The following MAN1A2 variants were observed in gnomAD, a reference collection of about 807,000 sequenced individuals.
MAN1A2 encodes mannosidase alpha class 1A member 2.
In MAN1A2, 26 loss-of-function variants were observed where a neutral mutation model predicts 75.7. The ratio of observed to expected loss-of-function variants is 0.34; its 90% CI spans 0.25 to 0.48. The LOEUF is 0.48. Ranked by LOEUF, MAN1A2 falls within the 20% of genes least tolerant of loss-of-function variation. The pLI, the probability that MAN1A2 is intolerant of heterozygous loss-of-function variation, is 0.99. For missense variants in MAN1A2, 562 were observed against 775.5 expected, an observed-to-expected ratio of 0.72 and a Z score of 3.27; for synonymous variants, 247 against 264.6, an observed-to-expected ratio of 0.93 and a Z score of 0.65.
chr1:117,485,945 G>A (rs1570783078), intron 8 of MAN1A2, among the ~76,000 whole-genome samples: 1 of 151,910 alleles, frequency 6.6e-6, no homozygotes, highest in South Asian at 2.1e-4. Flanking sequence ...CCACTCAGGG[G>A]ATAGAATTAG....
At chr1:117,436,052 C>A (rs1407370863) in intron 5 of MAN1A2, among the ~76,000 whole-genome samples, 4 of 151,062 alleles carry the variant, frequency 2.6e-5, no homozygotes, top group Admixed American at 2.6e-4. Context: ...AGTGAGACTC[C>A]GTTTCAAAAA....
chr1:117,382,886 A>G (rs1029864647), intron 1 of MAN1A2, among the ~76,000 whole-genome samples: 5 of 152,176 alleles, frequency 3.3e-5, no homozygotes, highest in African/African-American at 1.2e-4. Context: ...GATGTTATGC[A>G]CTACAATTTG....
At chr1:117,397,575 A>G (rs1025036324) in intron 1 of MAN1A2, among the ~76,000 whole-genome samples, 1 of 151,720 alleles carries the variant, frequency 6.6e-6, no homozygotes, top group African/African-American at 2.4e-5. Context: ...ATTAATTTTA[A>G]TATGGATTTT....
chr1:117,508,318 T>G (rs1651431874), intron 12 of MAN1A2, among the ~76,000 whole-genome samples: 1 of 147,072 alleles, frequency 6.8e-6, no homozygotes. Flanking sequence ...GGAAACATAG[T>G]CTTAACAAAT....
Position 117,493,471 on chromosome 1 carries a change from G to T in MAN1A2, c.1284+209G>T, listed in dbSNP as rs12087550. 1,576 of 384,392 alleles carry T rather than the reference G, an allele frequency of 4.1e-3. 16 individuals carry two copies. The highest frequency in any genetic ancestry group is 0.027 in the African/African-American group (1,281 of 47,032). 23.8% of individuals were successfully genotyped at this position (384,392 alleles called of 1,614,324 possible). A position where few individuals can be genotyped will look rare whatever the true frequency, so the allele number is the denominator to read the frequency against. On this transcript the variant is annotated intron_variant, in intron 9 of 12. Transcript: ENST00000356554. ...TTCTTTTATTTGTGACATTTTTAAA[G>T]AAATTTTTGAAGAAAGAATTTATTG...
At chr1:117,381,844 C>T (rs547837218) in intron 1 of MAN1A2, among the ~76,000 whole-genome samples, 177 of 152,028 alleles carry the variant, frequency 1.2e-3, no homozygotes, top group African/African-American at 3.9e-3. Flanking sequence ...CTTTCCAGCA[C>T]CTGTTGTTTC....
intron 1 of MAN1A2, 41 bp from the exon 2 acceptor site, chr1:117,402,145 G>T (rs1321596493): frequency 1.3e-6 from 2 of 1,562,560 alleles, no homozygotes; most frequent in East Asian, 4.5e-5. Context: ...ACATTCTTAA[G>T]TAGGCTCACT....
chr1:117,480,248 C>A (rs1182962532), intron 8 of MAN1A2, among the ~76,000 whole-genome samples: 1 of 151,858 alleles, frequency 6.6e-6, no homozygotes, highest in Non-Finnish European at 1.5e-5. Flanking sequence ...ACTGTAGCTT[C>A]CCCAGTCTTT....
At chr1:117,473,207 G>A (rs992635622) in intron 8 of MAN1A2, among the ~76,000 whole-genome samples, 3 of 151,868 alleles carry the variant, frequency 2.0e-5, no homozygotes, top group African/African-American at 7.3e-5. Context: ...TTAATGGCAG[G>A]TCTATTCTTG....
chr1:117,409,904 A>G (rs1453875195), intron 3 of MAN1A2, among the ~76,000 whole-genome samples: 2 of 152,036 alleles, frequency 1.3e-5, no homozygotes, highest in Non-Finnish European at 1.5e-5. Flanking sequence ...CTTATTGAGT[A>G]ATACAGTTGT....
At chr1:117,397,352 G>T (rs1002339526) in intron 1 of MAN1A2, among the ~76,000 whole-genome samples, 1 of 152,130 alleles carries the variant, frequency 6.6e-6, no homozygotes, top group Non-Finnish European at 1.5e-5. Context: ...GGGATAAGAT[G>T]ATTGGAGCTT....
rs1232678691 is a variant in MAN1A2 at position 117,526,164 on chromosome 1, T to A, written c.*3207T>A. The A allele has an allele frequency of 2.0e-5, 3 of 151,964 alleles. No homozygotes were observed. In the East Asian group the frequency reaches 5.8e-4, roughly 29 times the overall value. The allele number at this position is 151,964 out of a possible 1,614,324, so 9.4% of individuals were successfully genotyped here. On this transcript the variant is annotated 3_prime_UTR_variant, in exon 13 of 13. Coordinates refer to ENST00000356554, the MANE Select transcript of MAN1A2 (RefSeq NM_006699.5). ...TTCTCATTTATAATGCAGTTTCTCCTTAAGCCTGGAGTTTTTTGAATGAGT... is the reference window on the plus strand; with the variant it reads ...TTCTCATTTATAATGCAGTTTCTCCATAAGCCTGGAGTTTTTTGAATGAGT...
chr1:117,514,357 A>G (rs1301340092), intron 12 of MAN1A2, among the ~76,000 whole-genome samples: 3 of 49,288 alleles, frequency 6.1e-5, no homozygotes, highest in African/African-American at 1.7e-4. Context: ...GCAAGACTCC[A>G]TCTCAAAAAA....
intron 8 of MAN1A2, among the ~76,000 whole-genome samples, chr1:117,471,277 C>T (rs1650144312): frequency 5.9e-5 from 9 of 151,750 alleles, no homozygotes; most frequent in Admixed American, 5.9e-4. Context: ...TATCTGTTCT[C>T]ATTGTACTTA....
intron 12 of MAN1A2, among the ~76,000 whole-genome samples, chr1:117,505,500 T>C (rs1049597721): frequency 6.6e-6 from 1 of 151,122 alleles, no homozygotes; most frequent in African/African-American, 2.4e-5. Flanking sequence ...TAGATAGATA[T>C]ATTTGCTACA....
At chr1:117,440,510 T>C (rs545766604) in intron 5 of MAN1A2, among the ~76,000 whole-genome samples, 1 of 152,302 alleles carries the variant, frequency 6.6e-6, no homozygotes, top group East Asian at 1.9e-4. Flanking sequence ...GTCTAAAATA[T>C]ATTGTTAAAG....
intron 6 of MAN1A2, among the ~76,000 whole-genome samples, chr1:117,445,904 A>G (rs1345723206): frequency 6.9e-6 from 1 of 144,564 alleles, no homozygotes; most frequent in African/African-American, 2.5e-5. Context: ...ATATATGTAT[A>G]TATGTAAATT....
rs185541365 is a variant in MAN1A2 at position 117,409,293 on chromosome 1, T to C, written c.655+3648T>C. ...CTAACTACTGCTTTTGCTGCATCCC[T>C]GAGGTTTTGATATATTTTCATTTTC... On this transcript the variant is annotated intron_variant, in intron 3 of 12. Transcript: ENST00000356554. Among the ~76,000 whole-genome samples, 248 of 152,220 alleles carry C rather than the reference T, an allele frequency of 1.6e-3. 2 individuals carry two copies. The highest frequency in any genetic ancestry group is 5.7e-3 in the African/African-American group (238 of 41,574).
chr1:117,490,054 G>A (rs146084797), intron 8 of MAN1A2, among the ~76,000 whole-genome samples: 32 of 152,046 alleles, frequency 2.1e-4, no homozygotes, highest in African/African-American at 7.7e-4. Flanking sequence ...GGGAGCTGTA[G>A]TGTCAAATTG....
Sources: gnomAD v4.1 joint callset for allele counts (sites outside exome capture counted in the v4.1 genomes callset) on GRCh38, gnomAD v4.1.1 for gene constraint, MANE v1.5 for transcripts, NCBI Gene and HGNC (gene_info 2026-07-23, HGNC 2026-07-21) for gene names.